TBX20: variants seen among roughly 807,000 people sequenced by gnomAD.
The protein encoded by TBX20 is T-box transcription factor 20.
TBX20 carries 8 observed loss-of-function variants against 42.9 expected under a neutral mutation model. That is an observed-to-expected ratio of 0.19 (90% CI 0.11 to 0.34). TBX20 has a LOEUF of 0.34. Among genes scored for constraint, TBX20 ranks in the 10% least tolerant of loss-of-function variants. The pLI, the probability that TBX20 is intolerant of heterozygous loss-of-function variation, is 1.00. For missense variants in TBX20, 411 were observed against 566.0 expected, an observed-to-expected ratio of 0.73 and a Z score of 2.78; for synonymous variants, 198 against 222.8, an observed-to-expected ratio of 0.89 and a Z score of 0.99.
chr7:35,247,335 T>G (rs1257388576), intron 3 of TBX20, among the ~76,000 whole-genome samples: 2 of 152,024 alleles, frequency 1.3e-5, no homozygotes, highest in Non-Finnish European at 2.9e-5. Context: ...TTAATTTTAA[T>G]ATCTATTATA....
intron 5 of TBX20, among the ~76,000 whole-genome samples, chr7:35,235,723 C>T (rs1350398662): frequency 6.6e-6 from 1 of 152,108 alleles, no homozygotes; most frequent in African/African-American, 2.4e-5. Context: ...CCAAAATGTT[C>T]ACTCTTTTGG....
intron 3 of TBX20, among the ~76,000 whole-genome samples, chr7:35,248,391 C>A (rs1790234858): frequency 6.6e-6 from 1 of 152,104 alleles, no homozygotes; most frequent in Admixed American, 6.5e-5. Flanking sequence ...CAAAATGGGT[C>A]CACATTTCTA....
chr7:35,209,044 C>T (rs1352318071), intron 6 of TBX20, among the ~76,000 whole-genome samples: 1 of 152,054 alleles, frequency 6.6e-6, no homozygotes, highest in Non-Finnish European at 1.5e-5. Context: ...AATGTTAAAT[C>T]GACCTTGCAG....
intron 6 of TBX20, among the ~76,000 whole-genome samples, chr7:35,209,950 TG>T (rs1468039697): frequency 6.6e-6 from 1 of 152,188 alleles, no homozygotes; most frequent in African/African-American, 2.4e-5. Flanking sequence ...TTCAAATATT[TG>T]GGGACTTTTG....
intron 4 of TBX20, among the ~76,000 whole-genome samples, chr7:35,244,524 T>A (rs1273661659): frequency 6.6e-6 from 1 of 152,344 alleles, no homozygotes; most frequent in African/African-American, 2.4e-5. Flanking sequence ...TTCTATAGAC[T>A]ACACTTTGGG....
intron 6 of TBX20, among the ~76,000 whole-genome samples, chr7:35,219,905 C>T (rs1276350380): frequency 6.6e-6 from 1 of 152,178 alleles, no homozygotes; most frequent in African/African-American, 2.4e-5. Flanking sequence ...TATGTCCAAA[C>T]TTCATGTGTT....
At chr7:35,234,720 T>A (rs1220910146) in intron 5 of TBX20, among the ~76,000 whole-genome samples, 1 of 152,174 alleles carries the variant, frequency 6.6e-6, no homozygotes, top group African/African-American at 2.4e-5. Flanking sequence ...GAAAAAGAAT[T>A]CAAAACAATT....
chr7:35,234,850 C>A (rs1486254512), intron 5 of TBX20, among the ~76,000 whole-genome samples: 1 of 152,104 alleles, frequency 6.6e-6, no homozygotes, highest in Non-Finnish European at 1.5e-5. Flanking sequence ...TGGGTTGATG[C>A]TACACATTCC....
At chr7:35,218,777 T>C (rs142813014) in intron 6 of TBX20, among the ~76,000 whole-genome samples, 2,015 of 152,224 alleles carry the variant, frequency 0.013, 26 homozygotes, top group Non-Finnish European at 0.022. Context: ...GATTCACGTG[T>C]TGAAACCTAA....
chr7:35,219,620 C>T, intron 6 of TBX20, among the ~76,000 whole-genome samples: 1 of 152,242 alleles, frequency 6.6e-6, no homozygotes, highest in Non-Finnish European at 1.5e-5. Flanking sequence ...GCTTTGAAAA[C>T]TCTACAACCC....
chr7:35,245,259 T>C, intron 3 of TBX20, among the ~76,000 whole-genome samples: 1 of 151,916 alleles, frequency 6.6e-6, no homozygotes, highest in East Asian at 1.9e-4. Flanking sequence ...ACCAATTATC[T>C]AAATGAGATA....
chr7:35,232,746 G>A lies in TBX20; in HGVS notation c.814-1166C>T, dbSNP rs144957740. Among the ~76,000 whole-genome samples the A allele has an allele frequency of 4.0e-3, 603 of 152,306 alleles. 7 individuals carry two copies. Among genetic ancestry groups the A allele is most frequent in the South Asian group, 0.015 (72 of 4,816 alleles). ...TAGTTTGAAATACTCTTGCCAGGCC[G>A]GGTGCCTGTGGCTCACGCCTGTAAT... is the stretch of plus-strand genomic sequence containing the variant. On this transcript the variant is annotated intron_variant, in intron 5 of 7. Coordinates refer to ENST00000408931, the MANE Select transcript of TBX20 (RefSeq NM_001077653.2).
chr7:35,228,154 ATAAT>A (rs1210740966), intron 6 of TBX20, among the ~76,000 whole-genome samples: 1 of 152,068 alleles, frequency 6.6e-6, no homozygotes, highest in African/African-American at 2.4e-5. Flanking sequence ...TCTTATGGTA[ATAAT>A]TAAGAAGATG....
chr7:35,243,397 G>T (rs1790119799), intron 4 of TBX20, among the ~76,000 whole-genome samples: 1 of 152,114 alleles, frequency 6.6e-6, no homozygotes. Context: ...CTGAAATCTG[G>T]TTTAGAGCTA....
intron 6 of TBX20, among the ~76,000 whole-genome samples, chr7:35,211,523 G>C (rs971367455): frequency 5.9e-5 from 9 of 152,198 alleles, no homozygotes; most frequent in African/African-American, 2.2e-4. Context: ...TAACAGACTT[G>C]ATTTCTCTTT....
Position 35,248,809 on chromosome 7 carries a change from G to A in TBX20, c.413C>T (p.Ser138Leu), listed in dbSNP as rs778902854. Residue 138 changes from serine to leucine, a missense_variant, in exon 3 of 8, where the codon TCG becomes TTG. Physicochemically the swap from Ser to Leu is moderately radical, Grantham distance 145 (BLOSUM62 -2). Coordinates refer to ENST00000408931, the MANE Select transcript of TBX20 (RefSeq NM_001077653.2). Reference sequence around the variant, plus strand: ...GTACTTGGCCTCAGGATCCACCCCCGAAAAGGACACCCGGATGGTTGGAAA... The same window carrying A: ...GTACTTGGCCTCAGGATCCACCCCCAAAAAGGACACCCGGATGGTTGGAAA... The part of the protein sequence containing the change: ...RMFPTIRVSF[S>L]GVDPEAKYIV... 17 of 1,613,962 alleles carry A rather than the reference G, an allele frequency of 1.1e-5. No individual in the cohort carries two copies. Among genetic ancestry groups the A allele is most frequent in the South Asian group, 4.4e-5 (4 of 91,074 alleles).
chr7:35,237,411 T>C (rs983456654), intron 5 of TBX20, among the ~76,000 whole-genome samples: 3 of 151,784 alleles, frequency 2.0e-5, no homozygotes, highest in South Asian at 2.1e-4. Flanking sequence ...CAAATTCTTA[T>C]AAATTTTCTT....
intron 6 of TBX20, among the ~76,000 whole-genome samples, chr7:35,219,926 A>T (rs1789652525): frequency 6.6e-6 from 1 of 152,198 alleles, no homozygotes; most frequent in Non-Finnish European, 1.5e-5. Flanking sequence ...TGAAAGTTTT[A>T]TTCAGTGCAA....
intron 4 of TBX20, among the ~76,000 whole-genome samples, chr7:35,242,719 A>G (rs975254822): frequency 3.9e-5 from 6 of 152,152 alleles, no homozygotes; most frequent in African/African-American, 1.4e-4. Context: ...CTAAGACCCC[A>G]GAGCTCCCTG....
Sources: allele counts gnomAD v4.1 joint callset (sites outside exome capture counted in the v4.1 genomes callset), GRCh38; gene constraint gnomAD v4.1.1; transcripts MANE v1.5; gene names NCBI Gene and HGNC (gene_info 2026-07-23, HGNC 2026-07-21).